The following GABRG1 variants were observed in gnomAD, a reference collection of about 807,000 sequenced individuals.
GABRG1 encodes gamma-aminobutyric acid type A receptor subunit gamma1, also known as gamma-aminobutyric acid receptor subunit gamma-1.
Under a neutral mutation model 49.8 loss-of-function variants are expected in GABRG1, and 49 were observed. The ratio of observed to expected loss-of-function variants is 0.98; its 90% CI spans 0.78 to 1.25. The LOEUF is 1.25. Ranked by LOEUF, GABRG1 falls within the 50% of genes most tolerant of loss-of-function variation. The pLI is 0.00. For synonymous variants in GABRG1, 232 were observed against 185.1 expected (o/e 1.25, Z -2.06); for missense variants, 552 against 552.3 (o/e 1.00, Z 0.01).
At chr4:46,114,909 C>T (rs1720837556) in intron 1 of GABRG1, among the ~76,000 whole-genome samples, 1 of 150,352 alleles carries the variant, frequency 6.7e-6, no homozygotes, top group Admixed American at 6.7e-5. Context: ...GGAACTATAA[C>T]AGGGAAGGTA....
At chr4:46,066,875 C>T (rs777925767) in intron 3 of GABRG1, among the ~76,000 whole-genome samples, 12 of 149,936 alleles carry the variant, frequency 8.0e-5, no homozygotes, top group East Asian at 5.9e-4. Context: ...TTTATGTGTG[C>T]GTGTATATAT....
intron 8 of GABRG1, among the ~76,000 whole-genome samples, chr4:46,049,258 A>G (rs1360358314): frequency 6.6e-6 from 1 of 151,912 alleles, no homozygotes; most frequent in Admixed American, 6.6e-5. Flanking sequence ...AGAGGATTTG[A>G]GACAACAACA....
chr4:46,117,903 T>C (rs1269310969), intron 1 of GABRG1, among the ~76,000 whole-genome samples: 1 of 660 alleles, frequency 1.5e-3, no homozygotes, highest in African/African-American at 0.014. Context: ...CATATATACA[T>C]ATGTATACAT....
intron 3 of GABRG1, among the ~76,000 whole-genome samples, chr4:46,079,127 A>G (rs1334255556): frequency 6.6e-6 from 1 of 151,688 alleles, no homozygotes; most frequent in African/African-American, 2.4e-5. Flanking sequence ...CTGTTAAAAA[A>G]GATTCTGAAA....
At chr4:46,117,718 AT>A (rs1720953137) in intron 1 of GABRG1, among the ~76,000 whole-genome samples, 1 of 144,670 alleles carries the variant, frequency 6.9e-6, no homozygotes, top group Non-Finnish European at 1.5e-5. Flanking sequence ...ATACATGTAT[AT>A]ACATATACAT....
chr4:46,102,411 C>T (rs961716557), intron 1 of GABRG1, among the ~76,000 whole-genome samples: 1 of 151,684 alleles, frequency 6.6e-6, no homozygotes, highest in African/African-American at 2.4e-5. Context: ...CTGGCCAAAA[C>T]TTTCTTAGAA....
chr4:46,122,713 T>A lies in GABRG1; in HGVS notation c.104+1097A>T, dbSNP rs1577676341. On this transcript the variant is annotated intron_variant, in intron 1 of 8. Transcript: ENST00000295452. ...TCTAGCTTTACACTTACGTTTATAATAATAATTCATTTTAGCAGTGATACA... is the reference window on the plus strand; with the variant it reads ...TCTAGCTTTACACTTACGTTTATAAAAATAATTCATTTTAGCAGTGATACA... Among the ~76,000 whole-genome samples the A allele has an allele frequency of 4.6e-5, 7 of 152,282 alleles. No homozygotes were observed. In the South Asian group the frequency reaches 1.2e-3, roughly 27 times the overall value.
chr4:46,067,691 A>G (rs1195130421), intron 3 of GABRG1, among the ~76,000 whole-genome samples: 1 of 152,158 alleles, frequency 6.6e-6, no homozygotes, highest in Non-Finnish European at 1.5e-5. Flanking sequence ...TTTTGCAACC[A>G]TGTAAGCCTT....
intron 8 of GABRG1, among the ~76,000 whole-genome samples, chr4:46,046,212 T>C (rs893629030): frequency 2.6e-5 from 4 of 152,134 alleles, no homozygotes; most frequent in Non-Finnish European, 5.9e-5. Flanking sequence ...GGAATTTTAC[T>C]CAATGATTAA....
At chr4:46,063,855 A>G (rs1351211931) in intron 5 of GABRG1, among the ~76,000 whole-genome samples, 1 of 152,132 alleles carries the variant, frequency 6.6e-6, no homozygotes, top group Non-Finnish European at 1.5e-5. Context: ...CAACCCCACC[A>G]AAAAGTGGGC....
chr4:46,120,748 C>T (rs573189386), intron 1 of GABRG1, among the ~76,000 whole-genome samples: 12 of 151,670 alleles, frequency 7.9e-5, no homozygotes, highest in Non-Finnish European at 1.5e-4. Context: ...TATTTTCAAC[C>T]GGGCAACTGA....
Position 46,096,705 on chromosome 4 carries a change from T to C in GABRG1, c.253+496A>G, listed in dbSNP as rs115047794. ...GAGAAGGTAACCAAAAAAAGTGTCCTTAAAAAAGACGTTTAAGCAAGCATC... is the reference window on the plus strand; with the variant it reads ...GAGAAGGTAACCAAAAAAAGTGTCCCTAAAAAAGACGTTTAAGCAAGCATC... On this transcript the variant is annotated intron_variant, in intron 2 of 8. Coordinates refer to ENST00000295452, the MANE Select transcript of GABRG1 (RefSeq NM_173536.4). Among the ~76,000 whole-genome samples the C allele has an allele frequency of 3.9e-3, 592 of 150,754 alleles. 1 individual carries two copies. The highest frequency in any genetic ancestry group is 0.014 in the African/African-American group (561 of 41,156).
chr4:46,090,955 T>TACACACACACACACACAC (rs61288916), intron 2 of GABRG1, among the ~76,000 whole-genome samples: 1 of 131,064 alleles, frequency 7.6e-6, no homozygotes, highest in Non-Finnish European at 1.6e-5. Flanking sequence ...CACACACACA[T>TACACACACACACACACAC]ACACACACAC....
intron 2 of GABRG1, among the ~76,000 whole-genome samples, chr4:46,090,927 C>T (rs1035089146): frequency 2.0e-5 from 3 of 146,802 alleles, no homozygotes; most frequent in Non-Finnish European, 4.5e-5. Context: ...TAGGACTTCC[C>T]TGGAATACAC....
intron 1 of GABRG1, among the ~76,000 whole-genome samples, chr4:46,121,191 C>T (rs1721081112): frequency 6.6e-6 from 1 of 151,642 alleles, no homozygotes; most frequent in Admixed American, 6.6e-5. Context: ...TTGGGAAGTC[C>T]CCAAAATAGA....
intron 7 of GABRG1, among the ~76,000 whole-genome samples, chr4:46,052,048 A>G (rs866008205): frequency 3.3e-5 from 5 of 151,946 alleles, no homozygotes; most frequent in Middle Eastern, 3.4e-3. Flanking sequence ...AGACAGCATT[A>G]AAGAGACAAG....
chr4:46,060,341 G>T (rs1311468598), intron 5 of GABRG1, among the ~76,000 whole-genome samples: 2 of 151,960 alleles, frequency 1.3e-5, no homozygotes, highest in Non-Finnish European at 2.9e-5. Context: ...CCAACTTTAT[G>T]TGGAGATTAT....
At chr4:46,076,890 G>A (rs1448619778) in intron 3 of GABRG1, among the ~76,000 whole-genome samples, 1 of 150,906 alleles carries the variant, frequency 6.6e-6, no homozygotes, top group Non-Finnish European at 1.5e-5. Context: ...AGAGGTCTAG[G>A]GTGTGTATAT....
intron 1 of GABRG1, among the ~76,000 whole-genome samples, chr4:46,115,527 A>T (rs1161830812): frequency 1.3e-5 from 2 of 150,894 alleles, no homozygotes; most frequent in African/African-American, 4.8e-5. Context: ...AATAAAGTTG[A>T]GTAAAAAACT....
Sources: gnomAD v4.1 joint callset for allele counts (sites outside exome capture counted in the v4.1 genomes callset) on GRCh38, gnomAD v4.1.1 for gene constraint, MANE v1.5 for transcripts, NCBI Gene and HGNC (gene_info 2026-07-23, HGNC 2026-07-21) for gene names.